RAB11FIP1: variants seen among roughly 807,000 people sequenced by gnomAD.
RAB11FIP1 encodes RAB11 family interacting protein 1.
In RAB11FIP1, 49 loss-of-function variants were observed where a neutral mutation model predicts 83.1. The observed-to-expected ratio is 0.59, with a 90% CI of 0.47 to 0.75. RAB11FIP1 has a LOEUF of 0.75. Among genes scored for constraint, RAB11FIP1 ranks in the 30% least tolerant of loss-of-function variants. The pLI is 0.00. For synonymous variants in RAB11FIP1, 670 were observed against 656.0 expected, an observed-to-expected ratio of 1.02 and a Z score of -0.33; for missense variants, 1,536 against 1,598.7, an observed-to-expected ratio of 0.96 and a Z score of 0.67.
chr8:37,877,080 A>C (rs915686504), intron 2 of RAB11FIP1, 29 bp downstream of exon 2: 4 of 1,505,538 alleles, frequency 2.7e-6, no homozygotes, highest in Non-Finnish European at 3.7e-6. Flanking sequence ...GGAAGAAGAG[A>C]GGTCAAGCAG....
At chr8:37,884,343 G>C (rs748122418) in intron 1 of RAB11FIP1, among the ~76,000 whole-genome samples, 1 of 151,908 alleles carries the variant, frequency 6.6e-6, no homozygotes, top group Non-Finnish European at 1.5e-5. Context: ...GAATACAGGC[G>C]TGAGCTACCA....
rs1460256541 is a variant in RAB11FIP1 at position 37,899,186 on chromosome 8, C to T, written c.256G>A (p.Ala86Thr). 5 of 1,561,438 alleles carry T rather than the reference C, an allele frequency of 3.2e-6. No homozygotes were observed. In the Admixed American group the frequency reaches 5.6e-5, roughly 17 times the overall value. ...SLLSSGPAAA[A>T]TLQLTVLHRA... ...TGCAGCACGGTGAGCTGCAGGGTGGCGGCGGCCGCGGGTCCGGAGGACAGC... is the reference window on the plus strand; with the variant it reads ...TGCAGCACGGTGAGCTGCAGGGTGGTGGCGGCCGCGGGTCCGGAGGACAGC... Residue 86 changes from alanine (A) to threonine (T), a missense_variant, in exon 1 of 6, where the codon GCC (alanine) becomes ACC (threonine). Transcript: ENST00000330843. This position sits in a 1 kb window ranked among gnomAD's most constrained non-coding sequence, Gnocchi z 4.5.
chr8:37,866,400 G>A (rs1391115526), intron 5 of RAB11FIP1, among the ~76,000 whole-genome samples: 4 of 151,750 alleles, frequency 2.6e-5, no homozygotes, highest in Non-Finnish European at 4.4e-5. Context: ...TGGAGAAGAA[G>A]AAGCACAGAG....
chr8:37,882,933 C>A (rs939945584), intron 1 of RAB11FIP1, among the ~76,000 whole-genome samples: 7 of 152,150 alleles, frequency 4.6e-5, no homozygotes, highest in Non-Finnish European at 1.0e-4. Flanking sequence ...CTTCCAACAC[C>A]ATTAGGAAGT....
intron 1 of RAB11FIP1, among the ~76,000 whole-genome samples, chr8:37,878,485 G>A (rs1222444982): frequency 7.8e-6 from 1 of 128,702 alleles, no homozygotes; most frequent in Non-Finnish European, 1.5e-5. Flanking sequence ...AGTGAGCCGA[G>A]ATCGCACCAC....
In RAB11FIP1 at chr8:37,890,787, A is replaced by G. The variant is rs374150916; in HGVS notation, c.371+8284T>C. 2.1e-3 allele frequency among the ~76,000 whole-genome samples: 313 copies of G among 152,116 alleles called. 1 individual carries two copies. Among genetic ancestry groups the G allele is most frequent in the South Asian group, 0.01 (49 of 4,816 alleles). ...CAAAATTCTGCCAAAAAAAAAAAAA[A>G]AAGAAGAAGAAAAGGGCACTGACCA... On this transcript the variant is annotated intron_variant, in intron 1 of 5. Coordinates refer to ENST00000330843, the MANE Select transcript of RAB11FIP1 (RefSeq NM_001002814.3).
At chr8:37,885,084 T>C (rs1177404647) in intron 1 of RAB11FIP1, among the ~76,000 whole-genome samples, 1 of 150,978 alleles carries the variant, frequency 6.6e-6, no homozygotes, top group Non-Finnish European at 1.5e-5. Flanking sequence ...AACCTCTGCC[T>C]CCCAGATTCA....
intron 5 of RAB11FIP1, among the ~76,000 whole-genome samples, chr8:37,869,197 C>A: frequency 6.7e-6 from 1 of 149,216 alleles, no homozygotes; most frequent in African/African-American, 2.5e-5. Context: ...CACTCCACTC[C>A]AGCTTGGGCA....
intron 5 of RAB11FIP1, 137 bp from the exon 6 acceptor site, chr8:37,863,250 CTT>C: frequency 6.1e-6 from 4 of 652,962 alleles, no homozygotes; most frequent in Non-Finnish European, 1.0e-5. Context: ...TTCTTTCTTT[CTT>C]TCTTTCTTTT....
intron 1 of RAB11FIP1, among the ~76,000 whole-genome samples, chr8:37,888,784 C>T (rs1445920351): frequency 2.1e-5 from 3 of 145,828 alleles, no homozygotes; most frequent in South Asian, 2.2e-4. Context: ...TGTATACGTT[C>T]TGCAACTTTT....
chr8:37,889,054 C>T (rs1179698793), intron 1 of RAB11FIP1, among the ~76,000 whole-genome samples: 1 of 152,112 alleles, frequency 6.6e-6, no homozygotes, highest in Non-Finnish European at 1.5e-5. Flanking sequence ...GCCTCGGCCT[C>T]GCAAAGTGCT....
chr8:37,894,023 T>C (rs1310798626), intron 1 of RAB11FIP1, among the ~76,000 whole-genome samples: 2 of 152,214 alleles, frequency 1.3e-5, no homozygotes. Flanking sequence ...CTACAGAGAA[T>C]TCAGGCTTGA....
intron 1 of RAB11FIP1, among the ~76,000 whole-genome samples, chr8:37,896,577 A>C (rs1420745686): frequency 6.6e-6 from 1 of 152,168 alleles, no homozygotes; most frequent in Non-Finnish European, 1.5e-5. Flanking sequence ...AATAGGTGGG[A>C]GTTATTGTAT....
In RAB11FIP1 at chr8:37,872,942, C is replaced by T. The variant is rs1806512802; in HGVS notation, c.1860G>A (p.Arg620=). 1 of 1,614,156 alleles carries T rather than the reference C, an allele frequency of 6.2e-7. No homozygotes were observed. The highest frequency in any genetic ancestry group is 8.5e-7 in the Non-Finnish European group (1 of 1,180,042). The part of the protein sequence containing the change: ...TPIESWPLVD[R]GQAKSEGPPL... ...GTGGTCCTTCAGACTTGGCCTGGCC[C>T]CTGTCTACGAGAGGCCAGCTTTCAA... Residue 620 remains arginine (R), a synonymous_variant, in exon 4 of 6, where the codon AGG becomes AGA. Transcript: ENST00000330843.
At chr8:37,880,763 C>T (rs1384538527) in intron 1 of RAB11FIP1, among the ~76,000 whole-genome samples, 1 of 140,808 alleles carries the variant, frequency 7.1e-6, no homozygotes, top group Non-Finnish European at 1.5e-5. Context: ...GACCCTATCC[C>T]TTTCAAAAAA....
chr8:37,887,431 T>G (rs1419447796), intron 1 of RAB11FIP1, among the ~76,000 whole-genome samples: 1 of 150,624 alleles, frequency 6.6e-6, no homozygotes, highest in African/African-American at 2.4e-5. Flanking sequence ...CTCGGGAGGA[T>G]GAGGCACAAG....
intron 1 of RAB11FIP1, among the ~76,000 whole-genome samples, chr8:37,887,163 G>T (rs909733612): frequency 1.3e-5 from 2 of 151,852 alleles, no homozygotes; most frequent in Admixed American, 6.6e-5. Flanking sequence ...TTGTTTTTTT[G>T]ACCTTAATTC....
At chr8:37,887,817 C>T (rs1420532929) in intron 1 of RAB11FIP1, among the ~76,000 whole-genome samples, 1 of 152,240 alleles carries the variant, frequency 6.6e-6, no homozygotes, top group East Asian at 1.9e-4. Flanking sequence ...CTTAGCTGTA[C>T]ATATGCAATT....
chr8:37,865,444 C>T (rs960904279), intron 5 of RAB11FIP1, among the ~76,000 whole-genome samples: 3 of 152,052 alleles, frequency 2.0e-5, no homozygotes, highest in South Asian at 2.1e-4. Context: ...CTCAGCCTCC[C>T]GAGTAGCTGG....
Sources: gnomAD v4.1 joint callset for allele counts (sites outside exome capture counted in the v4.1 genomes callset) on GRCh38, gnomAD v4.1.1 for gene constraint, Gnocchi (gnomAD v3.1) non-coding constraint, MANE v1.5 for transcripts, NCBI Gene and HGNC (gene_info 2026-07-23, HGNC 2026-07-21) for gene names.